MERTK: variants seen among roughly 807,000 people sequenced by gnomAD.
MERTK encodes MER proto-oncogene, tyrosine kinase.
A neutral mutation model predicts 99.3 loss-of-function variants in MERTK; 69 were observed. That is an observed-to-expected ratio of 0.70 (90% CI 0.57 to 0.85). The LOEUF is 0.85. MERTK is among the 40% of genes least tolerant of loss of function. The pLI is 0.00. For synonymous variants in MERTK, 426 were observed against 467.6 expected (o/e 0.91, Z 1.15); for missense variants, 1,125 against 1,249.4 (o/e 0.90, Z 1.50).
intron 1 of MERTK, among the ~76,000 whole-genome samples, chr2:111,914,434 C>T (rs1427225513): frequency 3.3e-5 from 5 of 151,958 alleles, no homozygotes; most frequent in South Asian, 2.1e-4. Flanking sequence ...TGAGCCACTG[C>T]GCCCGGCCTA....
chr2:111,962,181 A>G (rs1004961691), intron 4 of MERTK, among the ~76,000 whole-genome samples: 1 of 152,206 alleles, frequency 6.6e-6, no homozygotes, highest in Non-Finnish European at 1.5e-5. Context: ...ATTCAACTAC[A>G]TAGTAAATAC....
intron 17 of MERTK, among the ~76,000 whole-genome samples, chr2:112,021,909 C>T (rs1046572091): frequency 6.6e-6 from 1 of 152,120 alleles, no homozygotes; most frequent in African/African-American, 2.4e-5. Flanking sequence ...CATCCACTGG[C>T]TCTTGGAACC....
intron 13 of MERTK, among the ~76,000 whole-genome samples, chr2:112,006,276 A>G (rs988079243): frequency 4.0e-5 from 6 of 151,738 alleles, no homozygotes; most frequent in Non-Finnish European, 5.9e-5. Flanking sequence ...AATGACTAAT[A>G]TTTATGTAAT....
intron 15 of MERTK, among the ~76,000 whole-genome samples, chr2:112,016,811 T>G (rs1319948387): frequency 6.6e-6 from 1 of 152,224 alleles, no homozygotes; most frequent in African/African-American, 2.4e-5. Flanking sequence ...CACTGCTGAC[T>G]GGGTGTGGTG....
chr2:112,008,404 A>T lies in MERTK; in HGVS notation c.1889A>T (p.Glu630Val), dbSNP rs1189518387. ...TMKLDNSSQR[E>V]IEEFLSEAAC... ...CTAGTGGACAACTCTTCACAGCGGG[A>T]GATCGAGGAGTTTCTCAGTGAGGCA... is the stretch of plus-strand genomic sequence containing the variant. Residue 630 changes from glutamate to valine, a missense_variant, in exon 14 of 19, where the codon GAG (glutamate) becomes GTG (valine). Glu to Val is a moderately radical substitution (Grantham distance 121). Transcript: ENST00000295408. 1 of 1,613,750 alleles carries T rather than the reference A, an allele frequency of 6.2e-7. No individual in the cohort carries two copies. Among genetic ancestry groups the T allele is most frequent in the Admixed American group, 1.7e-5 (1 of 59,986 alleles).
At chr2:111,993,925 G>A (rs1676682140) in intron 8 of MERTK, among the ~76,000 whole-genome samples, 6 of 152,212 alleles carry the variant, frequency 3.9e-5, no homozygotes, top group Admixed American at 3.9e-4. Flanking sequence ...TGAGGATCGA[G>A]GGCTTGAGGA....
intron 8 of MERTK, among the ~76,000 whole-genome samples, chr2:111,992,986 C>CT: frequency 6.6e-6 from 1 of 152,174 alleles, no homozygotes; most frequent in Admixed American, 6.5e-5. Flanking sequence ...GGATCTGACA[C>CT]TATCTCCAGA....
At chr2:111,944,515 C>T (rs1684924476) in intron 2 of MERTK, among the ~76,000 whole-genome samples, 2 of 152,306 alleles carry the variant, frequency 1.3e-5, no homozygotes, top group Non-Finnish European at 2.9e-5. Flanking sequence ...TAAAATAATT[C>T]CTCTGTTTTA....
rs538208939 is a variant in MERTK at position 112,021,092 on chromosome 2, C to T, written c.2190-330C>T. On this transcript the variant is annotated intron_variant, in intron 16 of 18. Transcript: ENST00000295408. ...GTGTGTACCTGTAATCCCAGCTACT[C>T]GGGAGACTGAGGCAGGAAAATTGCT... Among the ~76,000 whole-genome samples, 39 of 151,576 alleles carry T rather than the reference C, an allele frequency of 2.6e-4. 1 individual carries two copies. The Middle Eastern group carries it at 0.01, about 40-fold the overall frequency.
intron 9 of MERTK, chr2:111,996,668 G>A (rs1676750458): frequency 1.2e-5 from 2 of 166,882 alleles, no homozygotes; most frequent in African/African-American, 4.8e-5. Context: ...TACATCAAGA[G>A]GTTGTGACAA....
At chr2:111,957,033 T>C (rs1685162242) in intron 4 of MERTK, among the ~76,000 whole-genome samples, 1 of 151,140 alleles carries the variant, frequency 6.6e-6, no homozygotes, top group Non-Finnish European at 1.5e-5. Context: ...GTTCACGCCA[T>C]TGTCCTGCCT....
chr2:111,901,559 C>CTTT (rs11459119), intron 1 of MERTK, among the ~76,000 whole-genome samples: 8 of 131,192 alleles, frequency 6.1e-5, no homozygotes, highest in Admixed American at 8.1e-5. Flanking sequence ...TTCTTTCTTT[C>CTTT]TTTTTTTTTT....
chr2:111,942,674 G>C (rs529046519), intron 2 of MERTK, among the ~76,000 whole-genome samples: 1 of 152,252 alleles, frequency 6.6e-6, no homozygotes, highest in South Asian at 2.1e-4. Context: ...TCATTCATCA[G>C]GTGCATTCCA....
At position 111,906,059 on chromosome 2, in the gene MERTK, T is replaced by C. The variant is rs552042695; in HGVS notation, c.61+7263T>C. Among the ~76,000 whole-genome samples, 4 of 115,422 alleles carry C rather than the reference T, an allele frequency of 3.5e-5. No individual in the cohort carries two copies. The South Asian group carries it at 1.4e-3, about 41-fold the overall frequency. 75.7% of individuals were successfully genotyped at this position (115,422 alleles called of 152,430 possible). A position where few individuals can be genotyped will look rare whatever the true frequency, so the allele number is the denominator to read the frequency against. ...TGCCAGCACATTTTACACTTGTATGTTTCTCCTTGTACTCTGTGCCTCCAT... is the reference window on the plus strand; with the variant it reads ...TGCCAGCACATTTTACACTTGTATGCTTCTCCTTGTACTCTGTGCCTCCAT... On this transcript the variant is annotated intron_variant, in intron 1 of 18. Transcript: ENST00000295408.
At position 111,995,159 on chromosome 2, in the gene MERTK, C is replaced by T. The variant is rs375564239; in HGVS notation, c.1450+755C>T. ...AACATGCTTTGTGCTTTGGTCTGCACGGAACATGAAATATTTCCTATGGAA... is the reference window on the plus strand; with the variant it reads ...AACATGCTTTGTGCTTTGGTCTGCATGGAACATGAAATATTTCCTATGGAA... On this transcript the variant is annotated intron_variant, in intron 9 of 18. Coordinates refer to ENST00000295408, the MANE Select transcript of MERTK (RefSeq NM_006343.3). 4.7e-4 allele frequency: 73 copies of T among 156,014 alleles called. No homozygotes were observed. In the South Asian group the frequency reaches 0.013, roughly 29 times the overall value. The allele number at this position is 156,014 out of a possible 1,614,324, so 9.7% of individuals were successfully genotyped here. A position where few individuals can be genotyped will look rare whatever the true frequency, so the allele number is the denominator to read the frequency against.
At chr2:111,964,775 C>T (rs763963970) in intron 4 of MERTK, among the ~76,000 whole-genome samples, 14 of 152,096 alleles carry the variant, frequency 9.2e-5, no homozygotes, top group Non-Finnish European at 2.1e-4. Context: ...TAAACTGTGG[C>T]TTTTATTTTG....
intron 4 of MERTK, among the ~76,000 whole-genome samples, chr2:111,963,239 C>T (rs938229578): frequency 6.6e-6 from 1 of 152,222 alleles, no homozygotes; most frequent in Non-Finnish European, 1.5e-5. Context: ...AGGCGGTTTT[C>T]CCCTATCTCA....
intron 1 of MERTK, 59 bp from the exon 2 acceptor site, chr2:111,929,061 A>G (rs1022846949): frequency 1.9e-5 from 30 of 1,597,654 alleles, no homozygotes; most frequent in Non-Finnish European, 2.3e-5. Context: ...GAAGTTGGGA[A>G]CCTACTTGGG....
chr2:111,985,648 G>A (rs1299334111), intron 8 of MERTK, among the ~76,000 whole-genome samples: 4 of 152,180 alleles, frequency 2.6e-5, no homozygotes, highest in Non-Finnish European at 2.9e-5. Context: ...AGGCAGAGAA[G>A]GAGCAAAGGC....
Sources: gnomAD v4.1 joint callset for allele counts (sites outside exome capture counted in the v4.1 genomes callset) on GRCh38, gnomAD v4.1.1 for gene constraint, MANE v1.5 for transcripts, NCBI Gene and HGNC (gene_info 2026-07-23, HGNC 2026-07-21) for gene names.